PACSIN3: variants seen among roughly 807,000 people sequenced by gnomAD.
PACSIN3 encodes the protein protein kinase C and casein kinase substrate in neurons 3.
Under a neutral mutation model 56.1 loss-of-function variants are expected in PACSIN3, and 34 were observed. That is an observed-to-expected ratio of 0.61 (90% CI 0.46 to 0.81). PACSIN3 has a LOEUF of 0.81. Among genes scored for constraint, PACSIN3 ranks in the 30% least tolerant of loss-of-function variants. The pLI, the probability that PACSIN3 is intolerant of heterozygous loss-of-function variation, is 0.00. For synonymous variants in PACSIN3, 218 were observed against 229.8 expected, an observed-to-expected ratio of 0.95 and a Z score of 0.46; for missense variants, 535 against 592.4, an observed-to-expected ratio of 0.90 and a Z score of 1.01.
At chr11:47,185,671 A>T (rs929586728) in intron 1 of PACSIN3, 4 of 152,304 alleles carry the variant, frequency 2.6e-5, no homozygotes, top group Admixed American at 1.3e-4. Flanking sequence ...CTTCCAGATG[A>T]CGCACTCCGA....
chr11:47,182,071 G>A (rs1953035246), intron 4 of PACSIN3, among the ~76,000 whole-genome samples: 1 of 151,296 alleles, frequency 6.6e-6, no homozygotes, highest in Non-Finnish European at 1.5e-5. Context: ...AGAACCACTT[G>A]AGAGGCGGAG....
In PACSIN3 at chr11:47,179,562, G is replaced by A; in HGVS notation, c.628C>T (p.Leu210=). The A allele has an allele frequency of 6.2e-7, 1 of 1,613,688 alleles. No individual in the cohort carries two copies. Among genetic ancestry groups the A allele is most frequent in the Non-Finnish European group, 8.5e-7 (1 of 1,180,018 alleles). The change falls in exon 7 of 11, where the codon CTG becomes TTG. Residue 210 remains leucine (L), a synonymous_variant. Transcript: ENST00000298838. The surrounding 1 kb of genome is among the most constrained non-coding windows in gnomAD (Gnocchi z 4.4). Reference sequence around the variant, plus strand: ...GGAGTGTAGCGATGCAGCTCTGCCAGCGTCTGCTCATACTGAGCTTTTGTC... The same window carrying A: ...GGAGTGTAGCGATGCAGCTCTGCCAACGTCTGCTCATACTGAGCTTTTGTC... ...EKTKAQYEQT[L]AELHRYTPRY...
chr11:47,183,049 A>G lies in PACSIN3; in HGVS notation c.-83T>C, dbSNP rs554230861. The stretch of plus-strand genomic sequence containing the variant: ...CAAGGACCCGGGTGTCCAACTCTCA[A>G]TGCTGCCACCGTGACTCTGCCTTGA... On this transcript the variant is annotated 5_prime_UTR_variant, in exon 2 of 11. Coordinates refer to ENST00000298838, the MANE Select transcript of PACSIN3 (RefSeq NM_016223.5). The G allele has an allele frequency of 3.4e-5, 9 of 260,892 alleles. No homozygotes were observed. The South Asian group carries it at 4.7e-4, about 14-fold the overall frequency. The allele number at this position is 260,892 out of a possible 1,614,324, so 16.2% of individuals were successfully genotyped here. A position where few individuals can be genotyped will look rare whatever the true frequency, so the allele number is the denominator to read the frequency against.
In PACSIN3 at chr11:47,186,288, G is replaced by A. The variant is rs1340330088; in HGVS notation, c.-104+61C>T. ...AACTTCAGAAGCCGGAGCAGGAGAG[G>A]GCGGGCTCGAGCCACCGCACCCGCC... On this transcript the variant is annotated intron_variant, in intron 1 of 10. Transcript: ENST00000298838. This position sits in a 1 kb window ranked among gnomAD's most constrained non-coding sequence, Gnocchi z 4.5. 1 of 151,970 alleles carries A rather than the reference G, an allele frequency of 6.6e-6. No individual in the cohort carries two copies. Among genetic ancestry groups the A allele is most frequent in the African/African-American group, 2.4e-5 (1 of 41,332 alleles). 9.4% of individuals were successfully genotyped at this position (151,970 alleles called of 1,614,324 possible). A position where few individuals can be genotyped will look rare whatever the true frequency, so the allele number is the denominator to read the frequency against.
In PACSIN3 at chr11:47,182,501, TCC is replaced by T; in HGVS notation, c.111_112del (p.Asp38ProfsTer21). 1 of 1,611,846 alleles carries T rather than the reference TCC, an allele frequency of 6.2e-7. No individual in the cohort carries two copies. The highest frequency in any genetic ancestry group is 8.5e-7 in the Non-Finnish European group (1 of 1,179,918). ...GCGCTCCTGGAAGCAGCTGACCAGG[TCC>T]CCGCACAGCCGGTGCCCGTCCTCCA... On this transcript the variant is annotated frameshift_variant, in exon 4 of 11. Transcript: ENST00000298838. LOFTEE classifies it high-confidence loss of function.
At position 47,177,932 on chromosome 11, in the gene PACSIN3, C is replaced by T; in HGVS notation, c.1274G>A (p.Ter425=). ...PANYVECVGA[*] ...GTTGCAGAAGGGCTGTCAGGACACTCAGGCGCCCACACACTCCACGTAGTT... is the reference window on the plus strand; with the variant it reads ...GTTGCAGAAGGGCTGTCAGGACACTTAGGCGCCCACACACTCCACGTAGTT... Residue 425 remains the stop codon, a stop_retained_variant, in exon 11 of 11, where the codon TGA becomes TAA. Transcript: ENST00000298838. 1 of 1,612,144 alleles carries T rather than the reference C, an allele frequency of 6.2e-7. No individual in the cohort carries two copies. The highest frequency in any genetic ancestry group is 8.5e-7 in the Non-Finnish European group (1 of 1,178,252).
chr11:47,178,682 T>G lies in PACSIN3; in HGVS notation c.1038-195A>C, dbSNP rs1348636896. On this transcript the variant is annotated intron_variant, in intron 9 of 10. Transcript: ENST00000298838. This position sits in a 1 kb window ranked among gnomAD's most constrained non-coding sequence, Gnocchi z 4.2. ...GCAATTCCTGCCACACGCAGCTGATTTAAGGCATAAACGAGAGGGAATGTG... is the reference window on the plus strand; with the variant it reads ...GCAATTCCTGCCACACGCAGCTGATGTAAGGCATAAACGAGAGGGAATGTG... Among the ~76,000 whole-genome samples, 1 of 152,176 alleles carries G rather than the reference T, an allele frequency of 6.6e-6. No individual in the cohort carries two copies. Among genetic ancestry groups the G allele is most frequent in the Non-Finnish European group, 1.5e-5 (1 of 68,026 alleles).
rs1297483633 is a variant in PACSIN3 at position 47,179,825 on chromosome 11, A to T, written c.604-239T>A. On this transcript the variant is annotated intron_variant, in intron 6 of 10. Coordinates refer to ENST00000298838, the MANE Select transcript of PACSIN3 (RefSeq NM_016223.5). The surrounding 1 kb of genome is among the most constrained non-coding windows in gnomAD (Gnocchi z 4.4). ...AAATGAGGTCAACCTACAGGAAAGGATGGGAGAAATCAGAAAAGGCTTCCT... is the reference window on the plus strand; with the variant it reads ...AAATGAGGTCAACCTACAGGAAAGGTTGGGAGAAATCAGAAAAGGCTTCCT... The T allele has an allele frequency of 7.0e-6, 4 of 567,738 alleles. No individual in the cohort carries two copies. The allele number at this position is 567,738 out of a possible 1,614,324, so 35.2% of individuals were successfully genotyped here. A position where few individuals can be genotyped will look rare whatever the true frequency, so the allele number is the denominator to read the frequency against.
intron 4 of PACSIN3, among the ~76,000 whole-genome samples, chr11:47,182,147 A>AG (rs1471085142): frequency 2.0e-5 from 3 of 151,734 alleles, no homozygotes; most frequent in African/African-American, 7.3e-5. Flanking sequence ...ACGTCTCAAA[A>AG]AAAAAAAAAA....
In PACSIN3 at chr11:47,178,582, GAGGCACCTGGGAGAGTC is replaced by G; in HGVS notation, c.1038-112_1038-96del. ...CAGGGCAAAGGCCTCCCTACCCCCAGAGGCACCTGGGAGAGTCAGGTGAGGTACTAAAGATTCTAGCT... is the reference window on the plus strand; with the variant it reads ...CAGGGCAAAGGCCTCCCTACCCCCAGAGGTGAGGTACTAAAGATTCTAGCT... On this transcript the variant is annotated intron_variant, in intron 9 of 10. Transcript: ENST00000298838. This position sits in a 1 kb window ranked among gnomAD's most constrained non-coding sequence, Gnocchi z 4.2. The G allele has an allele frequency of 1.3e-6, 2 of 1,484,124 alleles. No individual in the cohort carries two copies. The highest frequency in any genetic ancestry group is 1.8e-6 in the Non-Finnish European group (2 of 1,102,038). 91.9% of individuals were successfully genotyped at this position (1,484,124 alleles called of 1,614,324 possible). A position where few individuals can be genotyped will look rare whatever the true frequency, so the allele number is the denominator to read the frequency against.
chr11:47,182,876 A>T (rs926563487), intron 2 of PACSIN3, 112 bp from the exon 3 acceptor site: 30 of 744,792 alleles, frequency 4.0e-5, no homozygotes, highest in Non-Finnish European at 6.2e-5. Context: ...CCACCCAAGG[A>T]GTCATCAGAG....
Position 47,178,482 on chromosome 11 carries a change from C to T in PACSIN3, c.1043G>A (p.Gly348Glu), listed in dbSNP as rs1952938375. 4.3e-6 allele frequency: 7 copies of T among 1,613,586 alleles called. No individual in the cohort carries two copies. The highest frequency in any genetic ancestry group is 5.9e-6 in the Non-Finnish European group (7 of 1,179,908). ...PPQSPGSPGT[G>E]QDEEWSDEES... ...TTCATCTGACCACTCCTCATCCTGC[C>T]CCGTGCTGGAGAGGGGAGGCAAAGG... Residue 348 changes from glycine to glutamate, a missense_variant, in exon 10 of 11, where the codon GGG becomes GAG. Physicochemically the swap from Gly to Glu is moderately conservative, Grantham distance 98. Coordinates refer to ENST00000298838, the MANE Select transcript of PACSIN3 (RefSeq NM_016223.5). This position sits in a 1 kb window ranked among gnomAD's most constrained non-coding sequence, Gnocchi z 4.2.
At chr11:47,183,574 G>A (rs955303621) in intron 1 of PACSIN3, among the ~76,000 whole-genome samples, 1 of 152,204 alleles carries the variant, frequency 6.6e-6, no homozygotes, top group South Asian at 2.1e-4. Context: ...CCAGAAATAC[G>A]AGGGGCCCTG....
In PACSIN3 at chr11:47,179,010, CTG is replaced by C; in HGVS notation, c.919_920del (p.Gln307GlufsTer14). ...PQFEEWSLDT[Q>X]RTISRKEKGG... ...CCTTCTCTTTCCGGCTGATTGTCCT[CTG>C]TGTGTCCAAGGACCACTCCTGTGGG... On this transcript the variant is annotated frameshift_variant, in exon 9 of 11. Coordinates refer to ENST00000298838, the MANE Select transcript of PACSIN3 (RefSeq NM_016223.5). LOFTEE classifies it high-confidence loss of function. This position sits in a 1 kb window ranked among gnomAD's most constrained non-coding sequence, Gnocchi z 4.4. The C allele has an allele frequency of 1.2e-6, 2 of 1,614,160 alleles. No homozygotes were observed. The highest frequency in any genetic ancestry group is 1.7e-6 in the Non-Finnish European group (2 of 1,180,022).
Position 47,178,937 on chromosome 11 carries a change from T to C in PACSIN3, c.994A>G (p.Arg332Gly). 6.2e-7 allele frequency: 1 copy of C among 1,614,020 alleles called. No individual in the cohort carries two copies. ...EVTLTSIVPT[R>G]DGTAPPPQSP... ...TGGGGTGGGGGTGCGGTGCCATCTC[T>C]TGTAGGCACAATGCTGGTCAGGGTA... Residue 332 changes from arginine to glycine, a missense_variant, in exon 9 of 11, where the codon AGA becomes GGA. Transcript: ENST00000298838. The surrounding 1 kb of genome is among the most constrained non-coding windows in gnomAD (Gnocchi z 4.2).
chr11:47,181,317 C>G (rs1254564791), intron 4 of PACSIN3, among the ~76,000 whole-genome samples: 1 of 150,566 alleles, frequency 6.6e-6, no homozygotes. Flanking sequence ...GTTGTGTAAA[C>G]ACTACACTCC....
chr11:47,186,006 G>A lies in PACSIN3; in HGVS notation c.-104+343C>T, dbSNP rs753033968. On this transcript the variant is annotated intron_variant, in intron 1 of 10. Coordinates refer to ENST00000298838, the MANE Select transcript of PACSIN3 (RefSeq NM_016223.5). The surrounding 1 kb of genome is among the most constrained non-coding windows in gnomAD (Gnocchi z 4.5). ...CCAGGAATCGGGGCTCGCTGCATAG[G>A]GCGAGGGATCGCCAGGGAGCGAGGA... 1 of 152,338 alleles carries A rather than the reference G, an allele frequency of 6.6e-6. No homozygotes were observed. Among genetic ancestry groups the A allele is most frequent in the South Asian group, 2.1e-4 (1 of 4,834 alleles). The allele number at this position is 152,338 out of a possible 1,614,324, so 9.4% of individuals were successfully genotyped here.
chr11:47,185,713 A>G (rs541320708), intron 1 of PACSIN3: 1 of 152,366 alleles, frequency 6.6e-6, no homozygotes, highest in South Asian at 2.1e-4. Context: ...CTCGGCGCCC[A>G]GAGGCTACGC....
At chr11:47,180,135 C>T (rs771562714) in intron 6 of PACSIN3, 51 bp downstream of exon 6, 3 of 1,549,348 alleles carry the variant, frequency 1.9e-6, no homozygotes, top group South Asian at 1.1e-5. Context: ...AAGATTCATT[C>T]AGGAAGCCGT....
Sources: gnomAD v4.1 joint callset for allele counts (sites outside exome capture counted in the v4.1 genomes callset) on GRCh38, gnomAD v4.1.1 for gene constraint, Gnocchi (gnomAD v3.1) non-coding constraint, MANE v1.5 for transcripts, NCBI Gene and HGNC (gene_info 2026-07-23, HGNC 2026-07-21) for gene names.